NRXN1: variants seen among roughly 807,000 people sequenced by gnomAD.
The protein encoded by NRXN1 is neurexin-1.
In NRXN1, 39 loss-of-function variants were observed where a neutral mutation model predicts 150.9. That is an observed-to-expected ratio of 0.26 (90% CI 0.20 to 0.34). The LOEUF (loss-of-function observed/expected upper bound fraction) is 0.34. Ranked by LOEUF, NRXN1 falls within the 10% of genes least tolerant of loss-of-function variation. NRXN1 has a pLI of 1.00. For synonymous variants in NRXN1, 924 were observed against 757.0 expected (o/e 1.22, Z -3.62); for missense variants, 1,815 against 1,949.9 (o/e 0.93, Z 1.30).
intron 5 of NRXN1, among the ~76,000 whole-genome samples, chr2:50,876,232 T>C (rs17570621): frequency 0.15 from 23,251 of 151,806 alleles, 2,132 homozygotes; most frequent in Middle Eastern, 0.23. Context: ...TAAGATTTTT[T>C]TTTTCTACCT....
intron 2 of NRXN1, among the ~76,000 whole-genome samples, chr2:50,935,136 A>T (rs1042313877): frequency 4.6e-5 from 7 of 152,204 alleles, no homozygotes; most frequent in Non-Finnish European, 1.0e-4. Flanking sequence ...AAATTAATTT[A>T]AAAAGCGCCT....
At chr2:50,246,259 T>C (rs948458806) in intron 17 of NRXN1, among the ~76,000 whole-genome samples, 2 of 151,934 alleles carry the variant, frequency 1.3e-5, no homozygotes, top group Non-Finnish European at 2.9e-5. Flanking sequence ...ATTTTCCTTA[T>C]TTTTACCACA....
chr2:49,943,852 T>C, intron 21 of NRXN1, 61 bp from the exon 22 acceptor site: 1 of 1,199,370 alleles, frequency 8.3e-7, no homozygotes, highest in East Asian at 2.4e-5. Flanking sequence ...CTCTCATCTT[T>C]GTCTCATTGA....
At chr2:50,104,549 G>A (rs1406541359) in intron 18 of NRXN1, among the ~76,000 whole-genome samples, 4 of 152,004 alleles carry the variant, frequency 2.6e-5, no homozygotes, top group African/African-American at 9.7e-5. Context: ...GGCAGCAGAT[G>A]CGTGATGATG....
At chr2:50,909,177 AGATGGCT>A (rs1242340793) in intron 5 of NRXN1, among the ~76,000 whole-genome samples, 1 of 152,072 alleles carries the variant, frequency 6.6e-6, no homozygotes, top group Non-Finnish European at 1.5e-5. Context: ...AACAACATGC[AGATGGCT>A]GATTGGCAAT....
chr2:50,899,655 C>T (rs1471186755), intron 5 of NRXN1, among the ~76,000 whole-genome samples: 1 of 152,006 alleles, frequency 6.6e-6, no homozygotes, highest in Non-Finnish European at 1.5e-5. Flanking sequence ...TAATATTTTG[C>T]AGGATGTATT....
At chr2:50,386,400 T>C (rs978049534) in intron 17 of NRXN1, among the ~76,000 whole-genome samples, 4 of 152,214 alleles carry the variant, frequency 2.6e-5, no homozygotes, top group South Asian at 2.1e-4. Context: ...ATCATGAGAT[T>C]TGGCTGCCAA....
chr2:50,277,022 G>T (rs1316993843), intron 17 of NRXN1, among the ~76,000 whole-genome samples: 1 of 152,072 alleles, frequency 6.6e-6, no homozygotes, highest in Non-Finnish European at 1.5e-5. Flanking sequence ...TCTACAGAAG[G>T]ATAGCCTTAC....
intron 18 of NRXN1, among the ~76,000 whole-genome samples, chr2:50,153,743 G>A (rs975508696): frequency 6.6e-6 from 1 of 151,802 alleles, no homozygotes; most frequent in Non-Finnish European, 1.5e-5. Context: ...GTGTGGGAAA[G>A]TTACCAGGCC....
At chr2:50,956,510 G>C (rs1692309096) in intron 2 of NRXN1, among the ~76,000 whole-genome samples, 1 of 152,150 alleles carries the variant, frequency 6.6e-6, no homozygotes, top group East Asian at 1.9e-4. Context: ...CACTTTGGGA[G>C]GCCAAGGTGG....
intron 5 of NRXN1, among the ~76,000 whole-genome samples, chr2:50,895,970 C>A (rs759091175): frequency 1.3e-5 from 2 of 152,078 alleles, no homozygotes; most frequent in South Asian, 4.1e-4. Flanking sequence ...CTCCAAAGCT[C>A]CCAAATTTCA....
At chr2:50,077,624 GA>G (rs1375364258) in intron 19 of NRXN1, among the ~76,000 whole-genome samples, 1 of 152,016 alleles carries the variant, frequency 6.6e-6, no homozygotes, top group Non-Finnish European at 1.5e-5. Context: ...AGGTGACCCT[GA>G]AAAATTATTA....
At chr2:50,060,064 G>T (rs916544292) in intron 19 of NRXN1, among the ~76,000 whole-genome samples, 1 of 152,162 alleles carries the variant, frequency 6.6e-6, no homozygotes, top group Admixed American at 6.5e-5. Flanking sequence ...CAGAATGGTA[G>T]ATCCACTGAC....
chr2:50,616,126 G>A (rs1679019569), intron 8 of NRXN1: 1 of 151,174 alleles, frequency 6.6e-6, no homozygotes, highest in South Asian at 2.1e-4. Flanking sequence ...ATTTTTCAAT[G>A]AGTACAGATA....
chr2:50,327,328 C>T (rs920555290), intron 17 of NRXN1, among the ~76,000 whole-genome samples: 1 of 152,058 alleles, frequency 6.6e-6, no homozygotes, highest in Non-Finnish European at 1.5e-5. Context: ...AACTTCAGGA[C>T]AGGGAAAATC....
intron 5 of NRXN1, among the ~76,000 whole-genome samples, chr2:50,651,460 A>G (rs1685602533): frequency 6.6e-6 from 1 of 150,714 alleles, no homozygotes; most frequent in East Asian, 2.0e-4. Context: ...CAAAAATAAC[A>G]TAACATAACG....
chr2:50,326,984 C>G (rs80070333), intron 17 of NRXN1, among the ~76,000 whole-genome samples: 5,303 of 152,228 alleles, frequency 0.035, 310 homozygotes, highest in African/African-American at 0.12. Flanking sequence ...CATGCACCCA[C>G]CTTGAGAAAC....
chr2:50,107,505 C>G (rs1275133400), intron 18 of NRXN1, among the ~76,000 whole-genome samples: 1 of 140,902 alleles, frequency 7.1e-6, no homozygotes, highest in South Asian at 2.2e-4. Flanking sequence ...TTGTCACATG[C>G]TACATTCCAG....
Position 50,506,914 on chromosome 2 carries a change from A to T in NRXN1, c.2375-297T>A, listed in dbSNP as rs1020579883. ...GCATTGATCCATAACAAGTGAATTA[A>T]CCTGCTGTCATAAATAGGCACAGTC... On this transcript the variant is annotated intron_variant, in intron 12 of 22. Transcript: ENST00000401669. 4.6e-5 allele frequency: 13 copies of T among 283,118 alleles called. No homozygotes were observed. In the South Asian group the frequency reaches 9.1e-4, roughly 20 times the overall value. 17.5% of individuals were successfully genotyped at this position (283,118 alleles called of 1,614,324 possible). A position where few individuals can be genotyped will look rare whatever the true frequency, so the allele number is the denominator to read the frequency against.
Sources: gnomAD v4.1 joint callset for allele counts (sites outside exome capture counted in the v4.1 genomes callset) on GRCh38, gnomAD v4.1.1 for gene constraint, MANE v1.5 for transcripts, NCBI Gene and HGNC (gene_info 2026-07-23, HGNC 2026-07-21) for gene names.